HEATR3: variants seen among roughly 807,000 people sequenced by gnomAD.
The protein encoded by HEATR3 is HEAT repeat containing 3, also known as HEAT repeat-containing protein 3.
HEATR3 carries 56 observed loss-of-function variants against 72.8 expected under a neutral mutation model. The observed-to-expected ratio is 0.77, with a 90% CI of 0.62 to 0.96. The LOEUF (loss-of-function observed/expected upper bound fraction) is 0.96, where lower values mean the gene tolerates loss of function less well. Among genes scored for constraint, HEATR3 ranks in the 40% least tolerant of loss-of-function variants. The pLI, the probability that HEATR3 is intolerant of heterozygous loss-of-function variation, is 0.00. For missense variants in HEATR3, 747 were observed against 831.4 expected, an observed-to-expected ratio of 0.90 and a Z score of 1.25; for synonymous variants, 331 against 318.1, an observed-to-expected ratio of 1.04 and a Z score of -0.43.
chr16:50,070,874 T>G (rs533272716), intron 4 of HEATR3, among the ~76,000 whole-genome samples: 3 of 152,320 alleles, frequency 2.0e-5, no homozygotes, highest in South Asian at 4.1e-4. Flanking sequence ...CTGTGGCTCC[T>G]CCTTTCCCCC....
At chr16:50,071,162 A>T (rs2036602489) in intron 4 of HEATR3, among the ~76,000 whole-genome samples, 1 of 152,118 alleles carries the variant, frequency 6.6e-6, no homozygotes, top group South Asian at 2.1e-4. Flanking sequence ...TAGAAACACA[A>T]CCTGGATTTA....
chr16:50,065,991 C>A lies in HEATR3; in HGVS notation c.-141C>A. ...CGGCAGACGACGCGCCGTGCGCCTGCGCACGGCTTGCCCATGTGTGCTGCA... is the reference window on the plus strand; with the variant it reads ...CGGCAGACGACGCGCCGTGCGCCTGAGCACGGCTTGCCCATGTGTGCTGCA... On this transcript the variant is annotated 5_prime_UTR_variant, in exon 1 of 15. Coordinates refer to ENST00000299192, the MANE Select transcript of HEATR3 (RefSeq NM_182922.4). 1.8e-6 allele frequency: 1 copy of A among 552,188 alleles called. No individual in the cohort carries two copies. The highest frequency in any genetic ancestry group is 2.7e-6 in the Non-Finnish European group (1 of 370,972). 34.2% of individuals were successfully genotyped at this position (552,188 alleles called of 1,614,324 possible).
chr16:50,066,328 C>A, intron 1 of HEATR3, 39 bp from the exon 2 acceptor site: 4 of 1,563,466 alleles, frequency 2.6e-6, no homozygotes, highest in East Asian at 2.3e-5. Flanking sequence ...CGCGCGTGCG[C>A]ATTGCGCGCC....
intron 12 of HEATR3, chr16:50,098,141 T>G (rs2037285289): frequency 6.6e-6 from 1 of 152,138 alleles, no homozygotes; most frequent in Non-Finnish European, 1.5e-5. Context: ...TGGTACAATA[T>G]TTTTACTTAA....
At position 50,104,944 on chromosome 16, in the gene HEATR3, T is replaced by C; in HGVS notation, c.1926T>C (p.Arg642=). Reference sequence around the variant, plus strand: ...TTTTTGTTTTTTGTTTGCAGATACGTAAAGAAGGGAGAGGTAACTATAGCA... The same window carrying C: ...TTTTTGTTTTTTGTTTGCAGATACGCAAAGAAGGGAGAGGTAACTATAGCA... ...EFQPVFKMKI[R]KEGRGNYSTD... is the part of the protein sequence containing the mutation. The change falls in exon 15 of 15, where the codon CGT becomes CGC. Residue 642 remains arginine, a synonymous_variant. Coordinates refer to ENST00000299192, the MANE Select transcript of HEATR3 (RefSeq NM_182922.4). The C allele has an allele frequency of 6.3e-7, 1 of 1,581,514 alleles. No individual in the cohort carries two copies. The highest frequency in any genetic ancestry group is 8.5e-7 in the Non-Finnish European group (1 of 1,170,454).
chr16:50,101,316 A>ATGTT (rs1240566536), intron 13 of HEATR3, among the ~76,000 whole-genome samples: 1 of 152,074 alleles, frequency 6.6e-6, no homozygotes, highest in Non-Finnish European at 1.5e-5. Flanking sequence ...GGGTTTCGCC[A>ATGTT]TGTTGGCCAA....
intron 6 of HEATR3, 152 bp downstream of exon 6, chr16:50,075,863 T>C: frequency 1.6e-6 from 1 of 628,876 alleles, no homozygotes; most frequent in Non-Finnish European, 2.8e-6. Flanking sequence ...AGACCCTTAC[T>C]TCAAGCAGTT....
intron 9 of HEATR3, 39 bp from the exon 10 acceptor site, chr16:50,084,530 A>G: frequency 5.1e-6 from 7 of 1,380,398 alleles, no homozygotes; most frequent in Non-Finnish European, 7.2e-6. Flanking sequence ...TTAAATGACT[A>G]CTCTTTAACC....
chr16:50,073,271 A>C (rs1163599465), intron 5 of HEATR3: 1 of 153,116 alleles, frequency 6.5e-6, no homozygotes, highest in Non-Finnish European at 1.5e-5. Context: ...TGGGCTGGGG[A>C]ACCACTGGGG....
rs751764295 is a variant in HEATR3, at chr16:50,072,687, A to G, written c.595A>G (p.Thr199Ala). 3.1e-6 allele frequency: 5 copies of G among 1,594,846 alleles called. No individual in the cohort carries two copies. The East Asian group carries it at 1.1e-4, about 36-fold the overall frequency. Residue 199 changes from threonine to alanine, a missense_variant, in exon 5 of 15, where the codon ACC becomes GCC. By Grantham distance (58) the Thr-to-Ala change is moderately conservative (BLOSUM62 0). Around this residue, in one of 2 missense-constraint regions of HEATR3, gnomAD observed 586 missense variants for 708.8 expected, o/e 0.83. Transcript: ENST00000299192. ...IVLKYLSRFPTNVDLAISVAY... is the reference protein window; with the variant it reads ...IVLKYLSRFPANVDLAISVAY... ...GTTAAAGTATTTAAGTAGGTTTCCT[A>G]CCAATGTTGACCTGGCTATTTCAGT...
In HEATR3 at chr16:50,105,194, C is replaced by T. The variant is rs953259875; in HGVS notation, c.*133C>T. Reference sequence around the variant, plus strand: ...CATTCTGTACATTCTGTAAAAACTTCAAAACCTGGCCAGGCATGGTGGCTC... The same window carrying T: ...CATTCTGTACATTCTGTAAAAACTTTAAAACCTGGCCAGGCATGGTGGCTC... On this transcript the variant is annotated 3_prime_UTR_variant, in exon 15 of 15. Transcript: ENST00000299192. 9 of 1,012,416 alleles carry T rather than the reference C, an allele frequency of 8.9e-6. No homozygotes were observed. The African/African-American group carries it at 1.5e-4, about 17-fold the overall frequency. The allele number at this position is 1,012,416 out of a possible 1,614,324, so 62.7% of individuals were successfully genotyped here. A position where few individuals can be genotyped will look rare whatever the true frequency, so the allele number is the denominator to read the frequency against.
At position 50,075,655 on chromosome 16, in the gene HEATR3, C is replaced by T. The variant is rs1034499816; in HGVS notation, c.707C>T (p.Ala236Val). The T allele has an allele frequency of 1.9e-6, 3 of 1,613,888 alleles. No homozygotes were observed. Among genetic ancestry groups the T allele is most frequent in the Non-Finnish European group, 2.5e-6 (3 of 1,179,816 alleles). ...ACAGCATTGAACATGCTGGAATCAGCACTGCTTTCTCCTGTCAGTTCCATG... is the reference window on the plus strand; with the variant it reads ...ACAGCATTGAACATGCTGGAATCAGTACTGCTTTCTCCTGTCAGTTCCATG... ...SATALNMLES[A>V]LLSPVSSMES... The change falls in exon 6 of 15, where the codon GCA (alanine) becomes GTA (valine). Residue 236 changes from alanine to valine, a missense_variant. By Grantham distance (64) the Ala-to-Val change is moderately conservative (BLOSUM62 0). Coordinates refer to ENST00000299192, the MANE Select transcript of HEATR3 (RefSeq NM_182922.4).
rs1386462038 is a variant in HEATR3, at chr16:50,084,013, T to C, written c.1118T>C (p.Met373Thr). The change falls in exon 8 of 15, where the codon ATG becomes ACG. Residue 373 changes from methionine (M) to threonine (T), a missense_variant. By Grantham distance (81) the Met-to-Thr change is moderately conservative. This residue lies in a region of HEATR3 where 586 missense variants were observed against 708.8 expected (regional missense o/e 0.83). Transcript: ENST00000299192. Reference protein sequence around the residue: ...QQTALEIIVNMCCNEDPSDDE... With the variant: ...QQTALEIIVNTCCNEDPSDDE... ...ACTGCTCTGGAAATTATTGTCAACA[T>C]GTGCTGCAATGAAGGTTTGTTAACA... is the stretch of plus-strand genomic sequence containing the variant. The C allele has an allele frequency of 1.2e-6, 2 of 1,613,948 alleles. No individual in the cohort carries two copies. Among genetic ancestry groups the C allele is most frequent in the Non-Finnish European group, 1.7e-6 (2 of 1,179,966 alleles).
At chr16:50,104,368 A>G (rs1444438777) in intron 14 of HEATR3, among the ~76,000 whole-genome samples, 1 of 151,934 alleles carries the variant, frequency 6.6e-6, no homozygotes, top group South Asian at 2.1e-4. Flanking sequence ...CAAAAAAACC[A>G]CAACACTACA....
intron 5 of HEATR3, 118 bp from the exon 6 acceptor site, chr16:50,075,453 A>C (rs889731273): frequency 2.2e-6 from 2 of 916,084 alleles, no homozygotes; most frequent in Non-Finnish European, 3.3e-6. Context: ...TATTTTGCAA[A>C]ACCTACATGT....
intron 6 of HEATR3, among the ~76,000 whole-genome samples, chr16:50,077,018 C>T (rs1389934810): frequency 1.3e-5 from 2 of 151,976 alleles, no homozygotes; most frequent in East Asian, 1.9e-4. Flanking sequence ...CAGGTGCCTG[C>T]CACCACGCCC....
chr16:50,086,487 A>T (rs1305682427), intron 11 of HEATR3, 136 bp downstream of exon 11: 1 of 941,602 alleles, frequency 1.1e-6, no homozygotes, highest in Admixed American at 2.9e-5. Flanking sequence ...TCATGTATTT[A>T]TAGTTGCCAT....
At position 50,084,657 on chromosome 16, in the gene HEATR3, A is replaced by G. The variant is rs368171870; in HGVS notation, c.1373+6A>G. ...TGGAAACCTTTGATTAGAAAGTAAG[A>G]ACTCTTCTGCTTTCAAAAACATTTG... On this transcript the variant is annotated splice_donor_region_variant and intron_variant, in intron 10 of 14. Transcript: ENST00000299192. The G allele has an allele frequency of 6.4e-7, 1 of 1,569,018 alleles. No individual in the cohort carries two copies. Among genetic ancestry groups the G allele is most frequent in the African/African-American group, 1.4e-5 (1 of 74,048 alleles).
At position 50,105,012 on chromosome 16, in the gene HEATR3, G is replaced by A. The variant is rs137897639; in HGVS notation, c.1994G>A (p.Arg665Gln). 8.7e-6 allele frequency: 14 copies of A among 1,613,010 alleles called. No homozygotes were observed. Among genetic ancestry groups the A allele is most frequent in the African/African-American group, 8.0e-5 (6 of 74,878 alleles). ...CTTGACAATGTGAAAATGAATTTGC[G>A]AAGATTTATTGCTTATCAAGAAACT... is the stretch of plus-strand genomic sequence containing the variant. ...CVLDNVKMNL[R>Q]RFIAYQETVE... Residue 665 changes from arginine to glutamine, a missense_variant, in exon 15 of 15, where the codon CGA becomes CAA. Around this residue, in one of 2 missense-constraint regions of HEATR3, gnomAD observed 586 missense variants for 708.8 expected, o/e 0.83. Transcript: ENST00000299192.
Sources: allele counts gnomAD v4.1 joint callset (sites outside exome capture counted in the v4.1 genomes callset), GRCh38; gene constraint gnomAD v4.1.1; regional missense constraint gnomAD v4.1.1; transcripts MANE v1.5; gene names NCBI Gene and HGNC (gene_info 2026-07-23, HGNC 2026-07-21).